Variants in ATP8A1 observed in about 807,000 individuals in gnomAD.
ATP8A1 encodes phospholipid-transporting ATPase IA.
In ATP8A1, 90 loss-of-function variants were observed where a neutral mutation model predicts 177.7. The observed-to-expected ratio is 0.51, with a 90% CI of 0.43 to 0.60. The LOEUF (loss-of-function observed/expected upper bound fraction) is 0.60. Ranked by LOEUF, ATP8A1 falls within the 20% of genes least tolerant of loss-of-function variation. The probability of loss-of-function intolerance (pLI) is 0.00; values close to 1 mark genes in which losing one functional copy is unlikely to be tolerated. For synonymous variants in ATP8A1, 493 were observed against 485.9 expected (o/e 1.01, Z -0.19); for missense variants, 1,072 against 1,392.8 (o/e 0.77, Z 3.67).
At chr4:42,439,044 G>A (rs934337069) in intron 33 of ATP8A1, among the ~76,000 whole-genome samples, 3 of 95,118 alleles carry the variant, frequency 3.2e-5, no homozygotes, top group Non-Finnish European at 6.4e-5. Flanking sequence ...AATGTAAGTT[G>A]GAAATGACTA....
In ATP8A1 at chr4:42,446,584, G is replaced by T. The variant is rs758539532; in HGVS notation, c.2957C>A (p.Thr986Asn). The change falls in exon 31 of 37, where the codon ACT becomes AAT. Residue 986 changes from threonine to asparagine, a missense_variant and splice_region_variant. Around this residue, in one of 5 missense-constraint regions of ATP8A1, gnomAD observed 316 missense variants for 459.1 expected, o/e 0.69. Transcript: ENST00000381668. ...DYLLLGNFVY[T>N]FVVITVCLKA... ...ACGAGACCGACATCCCGCACTCACA[G>T]TGTACACAAAGTTTCCCAGTAGCAG... is the stretch of plus-strand genomic sequence containing the variant. 10 of 1,613,658 alleles carry T rather than the reference G, an allele frequency of 6.2e-6. No homozygotes were observed. The highest frequency in any genetic ancestry group is 7.6e-6 in the Non-Finnish European group (9 of 1,179,626).
At chr4:42,567,564 G>A (rs181570700) in intron 15 of ATP8A1, among the ~76,000 whole-genome samples, 11 of 152,198 alleles carry the variant, frequency 7.2e-5, no homozygotes, top group Admixed American at 2.6e-4. Context: ...TTACTGTAAC[G>A]GTAGTGAAAG....
At chr4:42,532,171 T>C (rs1279092478) in intron 20 of ATP8A1, among the ~76,000 whole-genome samples, 10 of 151,514 alleles carry the variant, frequency 6.6e-5, no homozygotes, top group Non-Finnish European at 1.5e-4. Flanking sequence ...GGGAATAAAT[T>C]TAACCAAGGA....
At chr4:42,574,468 T>C (rs1179760065) in intron 14 of ATP8A1, 151 bp downstream of exon 14, 4 of 644,450 alleles carry the variant, frequency 6.2e-6, no homozygotes, top group Admixed American at 3.5e-5. Flanking sequence ...ACGCGAAATA[T>C]ACATGTGTCC....
intron 30 of ATP8A1, among the ~76,000 whole-genome samples, chr4:42,448,765 C>CTG (rs1459618077): frequency 6.7e-6 from 1 of 148,936 alleles, no homozygotes; most frequent in Non-Finnish European, 1.5e-5. Flanking sequence ...GAATCTGAAA[C>CTG]TATATCAATG....
intron 1 of ATP8A1, among the ~76,000 whole-genome samples, chr4:42,643,221 T>C (rs1034737886): frequency 6.6e-6 from 1 of 152,092 alleles, no homozygotes; most frequent in Non-Finnish European, 1.5e-5. Context: ...CACTAACAGG[T>C]GCATTTACTG....
intron 22 of ATP8A1, among the ~76,000 whole-genome samples, chr4:42,513,785 A>C (rs1725246397): frequency 6.6e-6 from 1 of 152,218 alleles, no homozygotes; most frequent in Admixed American, 6.5e-5. Flanking sequence ...GATCAGATTT[A>C]CATTTCAGAA....
intron 5 of ATP8A1, 37 bp downstream of exon 5, chr4:42,615,996 T>C (rs1348071243): frequency 3.2e-6 from 5 of 1,573,580 alleles, no homozygotes; most frequent in East Asian, 2.2e-5. Flanking sequence ...ACAAGTAGGT[T>C]TGACAAATAT....
chr4:42,584,934 G>A (rs1733468860), intron 9 of ATP8A1, among the ~76,000 whole-genome samples: 2 of 152,048 alleles, frequency 1.3e-5, no homozygotes, highest in African/African-American at 2.4e-5. Flanking sequence ...GGCCTACAAA[G>A]CCCATAGGAT....
At chr4:42,623,205 G>A (rs1737676965) in intron 4 of ATP8A1, among the ~76,000 whole-genome samples, 1 of 152,130 alleles carries the variant, frequency 6.6e-6, no homozygotes, top group Admixed American at 6.6e-5. Flanking sequence ...ACAGATGCTG[G>A]CAAGGTTGTA....
At chr4:42,626,547 C>T (rs1445542644) in intron 2 of ATP8A1, 1 of 169,684 alleles carries the variant, frequency 5.9e-6, no homozygotes, top group Non-Finnish European at 1.3e-5. Flanking sequence ...AAGTAATTCG[C>T]ACAGCCCTCC....
At chr4:42,617,824 C>T (rs528816830) in intron 4 of ATP8A1, among the ~76,000 whole-genome samples, 2 of 152,310 alleles carry the variant, frequency 1.3e-5, no homozygotes, top group South Asian at 2.1e-4. Context: ...CTTCCCATCA[C>T]AGAATTAGGT....
intron 25 of ATP8A1, among the ~76,000 whole-genome samples, chr4:42,474,083 T>C (rs770637247): frequency 5.9e-5 from 9 of 152,134 alleles, no homozygotes; most frequent in Non-Finnish European, 1.2e-4. Flanking sequence ...GGTGGAACAA[T>C]TGGTCGCACA....
At chr4:42,563,319 T>G (rs923435315) in intron 15 of ATP8A1, among the ~76,000 whole-genome samples, 4 of 152,194 alleles carry the variant, frequency 2.6e-5, no homozygotes, top group African/African-American at 9.7e-5. Flanking sequence ...TTGAGAGAGA[T>G]GATTAGGGTA....
Position 42,575,845 on chromosome 4 carries a change from T to C in ATP8A1, c.1129-146A>G, listed in dbSNP as rs1237715483. 9.0e-6 allele frequency: 6 copies of C among 669,174 alleles called. No individual in the cohort carries two copies. The African/African-American group carries it at 1.1e-4, about 12-fold the overall frequency. 41.5% of individuals were successfully genotyped at this position (669,174 alleles called of 1,614,324 possible). ...AGGCACTAATTTCCTGTTATTCCTATACCATTTAATTCGATTTTTCTGAAA... is the reference window on the plus strand; with the variant it reads ...AGGCACTAATTTCCTGTTATTCCTACACCATTTAATTCGATTTTTCTGAAA... On this transcript the variant is annotated intron_variant, in intron 12 of 36. Transcript: ENST00000381668.
chr4:42,630,516 G>A (rs1302792611), intron 1 of ATP8A1, among the ~76,000 whole-genome samples: 6 of 152,176 alleles, frequency 3.9e-5, no homozygotes, highest in Non-Finnish European at 1.5e-5. Context: ...CAGGCCTTCA[G>A]AAGCCTTCTT....
chr4:42,464,690 C>A lies in ATP8A1; in HGVS notation c.2619G>T (p.Glu873Asp). Residue 873 changes from glutamate to aspartate, a missense_variant and splice_region_variant, in exon 27 of 37, where the codon GAG becomes GAT. Transcript: ENST00000381668. ...GATTTAAAATTTAACCTGCTATTAC[C>A]TCGATAATATAGAGCACTATATTCT... ...FYKNIVLYII[E>D]IWFAFVNGFS... 1.3e-6 allele frequency: 2 copies of A among 1,533,990 alleles called. No homozygotes were observed. The highest frequency in any genetic ancestry group is 1.8e-6 in the Non-Finnish European group (2 of 1,129,384).
At chr4:42,578,432 T>C in intron 11 of ATP8A1, 45 bp from the exon 12 acceptor site, 2 of 1,593,352 alleles carry the variant, frequency 1.3e-6, no homozygotes, top group Non-Finnish European at 1.7e-6. Context: ...TTTTATATTT[T>C]ATTTGCATTG....
intron 15 of ATP8A1, chr4:42,562,521 A>T (rs944624473): frequency 1.3e-5 from 2 of 152,288 alleles, no homozygotes; most frequent in Non-Finnish European, 2.9e-5. Context: ...GCTGCAAAGT[A>T]AAGTCCAAAG....
Sources: allele counts gnomAD v4.1 joint callset (sites outside exome capture counted in the v4.1 genomes callset), GRCh38; gene constraint gnomAD v4.1.1; regional missense constraint gnomAD v4.1.1; transcripts MANE v1.5; gene names NCBI Gene and HGNC (gene_info 2026-07-23, HGNC 2026-07-21).